The following SP100 variants were observed in gnomAD, a reference collection of about 807,000 sequenced individuals.
The protein encoded by SP100 is nuclear autoantigen Sp-100.
In SP100, 84 loss-of-function variants were observed where a neutral mutation model predicts 130.0. That is an observed-to-expected ratio of 0.65 (90% confidence interval 0.54 to 0.77). The LOEUF (loss-of-function observed/expected upper bound fraction) is 0.77, where lower values mean the gene tolerates loss of function less well. SP100 is among the 30% of genes least tolerant of loss of function. SP100 has a pLI of 0.00. For missense variants in SP100, 978 were observed against 1,052.2 expected (o/e 0.93, Z 0.97); for synonymous variants, 331 against 351.7 (o/e 0.94, Z 0.66).
In SP100 at chr2:230,461,359, A is replaced by C. The variant is rs2064613894; in HGVS notation, c.918A>C (p.Lys306Asn). The C allele has an allele frequency of 1.2e-6, 2 of 1,614,070 alleles. No individual in the cohort carries two copies. Among genetic ancestry groups the C allele is most frequent in the Non-Finnish European group, 1.7e-6 (2 of 1,180,016 alleles). Residue 306 changes from lysine to asparagine, a missense_variant, in exon 9 of 29, where the codon AAA (lysine) becomes AAC (asparagine). Lys to Asn is a moderately conservative substitution (Grantham distance 94). Coordinates refer to ENST00000340126, the MANE Select transcript of SP100 (RefSeq NM_001080391.2). ...AGGAAAAGCCATTTTCTAATTCAAAAGTTGAGTGCCAAGCCCAAGCAAGAA... is the reference window on the plus strand; with the variant it reads ...AGGAAAAGCCATTTTCTAATTCAAACGTTGAGTGCCAAGCCCAAGCAAGAA... ...IKKEKPFSNSKVECQAQARTH... is the reference protein window; with the variant it reads ...IKKEKPFSNSNVECQAQARTH...
At chr2:230,457,160 C>G (rs904675679) in intron 8 of SP100, among the ~76,000 whole-genome samples, 3 of 152,156 alleles carry the variant, frequency 2.0e-5, no homozygotes, top group African/African-American at 7.2e-5. Context: ...TAGTCTGGTG[C>G]CTAGGACAAC....
chr2:230,539,357 C>G lies in SP100; in HGVS notation c.2185C>G (p.His729Asp). The G allele has an allele frequency of 6.2e-7, 1 of 1,613,686 alleles. No individual in the cohort carries two copies. The highest frequency in any genetic ancestry group is 8.5e-7 in the Non-Finnish European group (1 of 1,179,636). The change falls in exon 25 of 29, where the codon CAC becomes GAC. Residue 729 changes from histidine (H) to aspartate (D), a missense_variant. His to Asp is a moderately conservative substitution (Grantham distance 81, BLOSUM62 -1). Coordinates refer to ENST00000340126, the MANE Select transcript of SP100 (RefSeq NM_001080391.2). Reference sequence around the variant, plus strand: ...TCCAAGATCCTTTCATGAGCACTGCCACATCCCATCCGTGGAAGCTAACAA... The same window carrying G: ...TCCAAGATCCTTTCATGAGCACTGCGACATCCCATCCGTGGAAGCTAACAA... ...TCPRSFHEHC[H>D]IPSVEANKNP...
chr2:230,527,455 C>A (rs1691483900), intron 24 of SP100, among the ~76,000 whole-genome samples: 1 of 152,316 alleles, frequency 6.6e-6, no homozygotes, highest in South Asian at 2.1e-4. Flanking sequence ...CAACCAGTAC[C>A]AGCCACTGCA....
At chr2:230,431,761 CCTT>C (rs1379032305) in intron 2 of SP100, among the ~76,000 whole-genome samples, 2 of 152,146 alleles carry the variant, frequency 1.3e-5, no homozygotes, top group Non-Finnish European at 1.5e-5. Flanking sequence ...TGCAGTTTAA[CCTT>C]CTTTTTTCAC....
intron 24 of SP100, among the ~76,000 whole-genome samples, chr2:230,517,445 C>G (rs1444101309): frequency 6.6e-6 from 1 of 152,050 alleles, no homozygotes; most frequent in Non-Finnish European, 1.5e-5. Flanking sequence ...TTAATAAAGA[C>G]AATACAGGAA....
intron 2 of SP100, among the ~76,000 whole-genome samples, chr2:230,428,132 G>A (rs1236982303): frequency 1.3e-5 from 2 of 152,140 alleles, no homozygotes; most frequent in Non-Finnish European, 2.9e-5. Context: ...TCGGGAGGCT[G>A]AGACAGGAGA....
chr2:230,520,735 A>C (rs1328665745), intron 24 of SP100: 1 of 152,240 alleles, frequency 6.6e-6, no homozygotes, highest in African/African-American at 2.4e-5. Flanking sequence ...GATCAACCCA[A>C]GAAAACACAC....
intron 23 of SP100, chr2:230,508,917 CCACACA>C (rs56380956): frequency 0.53 from 77,517 of 146,048 alleles, 22,726 homozygotes; most frequent in South Asian, 0.72. Context: ...TTTACCTCCA[CCACACA>C]CACACACACA....
At chr2:230,511,649 CT>C (rs11305437) in intron 24 of SP100, among the ~76,000 whole-genome samples, 30,332 of 152,000 alleles carry the variant, frequency 0.2, 3,922 homozygotes, top group African/African-American at 0.37. Flanking sequence ...GTCATTAGTT[CT>C]GCAGAGGAAG....
rs762966763 is a variant in SP100 at position 230,524,726 on chromosome 2, G to T, written c.2094+13560G>T. 1.5e-4 allele frequency among the ~76,000 whole-genome samples: 23 copies of T among 152,150 alleles called. 1 individual carries two copies. Among genetic ancestry groups the T allele is most frequent in the Non-Finnish European group, 2.9e-4 (20 of 68,016 alleles). Reference sequence around the variant, plus strand: ...TCTGGTAATTTCCAATTAAGAAAAGGTTATGATATGGGGAAACATGTTTCT... The same window carrying T: ...TCTGGTAATTTCCAATTAAGAAAAGTTTATGATATGGGGAAACATGTTTCT... On this transcript the variant is annotated intron_variant, in intron 24 of 28. Transcript: ENST00000340126.
intron 24 of SP100, among the ~76,000 whole-genome samples, chr2:230,526,316 A>C (rs146444643): frequency 2.4e-4 from 36 of 152,342 alleles, no homozygotes; most frequent in Middle Eastern, 3.4e-3. Flanking sequence ...CCTGCAGCTG[A>C]GGGGTCTGAC....
intron 20 of SP100, 75 bp from the exon 21 acceptor site, chr2:230,504,111 T>C: frequency 1.3e-6 from 1 of 745,750 alleles, no homozygotes; most frequent in Non-Finnish European, 2.3e-6. Flanking sequence ...AAAAGAAAGC[T>C]CTCAAGACAG....
At chr2:230,479,432 C>G (rs140220804) in intron 17 of SP100, among the ~76,000 whole-genome samples, 2 of 152,292 alleles carry the variant, frequency 1.3e-5, no homozygotes, top group East Asian at 3.9e-4. Flanking sequence ...TATACCACTT[C>G]CATTTGCCAG....
rs1243785420 is a variant in SP100 at position 230,494,469 on chromosome 2, A to T, written c.1645+9A>T. ...AAATGGTCTCCAAAGAGGTAAGAAG[A>T]AATGTGGGGATTTACTCCTTTGAAC... On this transcript the variant is annotated intron_variant, in intron 18 of 28. Transcript: ENST00000340126. 1.3e-6 allele frequency: 2 copies of T among 1,600,000 alleles called. No homozygotes were observed. The highest frequency in any genetic ancestry group is 1.7e-6 in the Non-Finnish European group (2 of 1,167,366).
At chr2:230,515,665 T>A (rs750342448) in intron 24 of SP100, 38 of 1,584,474 alleles carry the variant, frequency 2.4e-5, no homozygotes, top group Non-Finnish European at 3.0e-5. Context: ...AGTTTTTTTC[T>A]TGTCTATAAA....
intron 2 of SP100, among the ~76,000 whole-genome samples, chr2:230,429,823 G>C (rs549859517): frequency 9.2e-5 from 14 of 151,494 alleles, no homozygotes; most frequent in African/African-American, 3.4e-4. Context: ...AATGGTTCCT[G>C]TTCCTTTTTG....
chr2:230,459,404 C>A (rs898972024), intron 8 of SP100, among the ~76,000 whole-genome samples: 16 of 152,126 alleles, frequency 1.1e-4, no homozygotes, highest in Admixed American at 6.5e-4. Flanking sequence ...CCTCCACCCC[C>A]AGATTACAAT....
At chr2:230,449,013 C>T in intron 5 of SP100, 75 bp from the exon 6 acceptor site, 1 of 950,202 alleles carries the variant, frequency 1.1e-6, no homozygotes, top group South Asian at 1.3e-5. Context: ...TTACAGAGAC[C>T]AAAAAGGGAT....
At chr2:230,442,773 C>T (rs991050577) in intron 2 of SP100, among the ~76,000 whole-genome samples, 164 bp from the exon 3 acceptor site, 3 of 152,160 alleles carry the variant, frequency 2.0e-5, no homozygotes, top group East Asian at 1.9e-4. Flanking sequence ...TCTATTACAT[C>T]TTTTTTGTTG....
Sources: gnomAD v4.1 joint callset for allele counts (sites outside exome capture counted in the v4.1 genomes callset) on GRCh38, gnomAD v4.1.1 for gene constraint, MANE v1.5 for transcripts, NCBI Gene and HGNC (gene_info 2026-07-23, HGNC 2026-07-21) for gene names.